Variants in RAI1 observed in about 807,000 individuals in gnomAD.
The protein encoded by RAI1 is retinoic acid-induced protein 1.
A neutral mutation model predicts 123.8 loss-of-function variants in RAI1; 9 were observed. The observed-to-expected ratio is 0.07, with a 90% CI of 0.04 to 0.13. The LOEUF (loss-of-function observed/expected upper bound fraction) is 0.13. Among genes scored for constraint, RAI1 ranks in the 10% least tolerant of loss-of-function variants. RAI1 has a pLI of 1.00. For synonymous variants in RAI1, 1,231 were observed against 1,127.3 expected (o/e 1.09, Z -1.84); for missense variants, 2,256 against 2,545.8 (o/e 0.89, Z 2.45).
At chr17:17,746,626 TTTC>T (rs1369906949) in intron 2 of RAI1, among the ~76,000 whole-genome samples, 2 of 135,154 alleles carry the variant, frequency 1.5e-5, no homozygotes, top group African/African-American at 2.5e-5. Flanking sequence ...TTTTTTTTCT[TTTC>T]TTTTCTTTTT....
At chr17:17,682,348 C>T (rs1914458521) in intron 1 of RAI1, 1 of 150,938 alleles carries the variant, frequency 6.6e-6, no homozygotes, top group Non-Finnish European at 1.5e-5. Context: ...CCTACCCGGG[C>T]AGCGGCCCCG....
In RAI1 at chr17:17,728,288, G is replaced by A. The variant is rs891027015; in HGVS notation, c.-17+4129G>A. Among the ~76,000 whole-genome samples, 6 of 152,126 alleles carry A rather than the reference G, an allele frequency of 3.9e-5. No homozygotes were observed. In the East Asian group the frequency reaches 9.7e-4, roughly 25 times the overall value. ...GGCTGGGTGGGCGAAGAGAGGGAAG[G>A]CCTTCGACAGGGAGGGGTGGGGTTG... On this transcript the variant is annotated intron_variant, in intron 2 of 5. Transcript: ENST00000353383.
chr17:17,720,258 A>G (rs1231917323), intron 1 of RAI1, among the ~76,000 whole-genome samples: 1 of 152,222 alleles, frequency 6.6e-6, no homozygotes, highest in Non-Finnish European at 1.5e-5. Flanking sequence ...TGGCAAACAA[A>G]AGGGCTGACA....
At chr17:17,776,768 A>G (rs955884715) in intron 2 of RAI1, 2 of 146,738 alleles carry the variant, frequency 1.4e-5, no homozygotes, top group African/African-American at 5.1e-5. Flanking sequence ...GGCTCAAGCA[A>G]TCCTCCTACC....
In RAI1 at chr17:17,796,456, A is replaced by G. The variant is rs777600691; in HGVS notation, c.3508A>G (p.Asn1170Asp). Residue 1170 changes from asparagine to aspartate, a missense_variant, in exon 3 of 6, where the codon AAC becomes GAC. This residue lies in a region of RAI1 where 322 missense variants were observed against 358.0 expected (regional missense o/e 0.90). Coordinates refer to ENST00000353383, the MANE Select transcript of RAI1 (RefSeq NM_030665.4). This position sits in a 1 kb window ranked among gnomAD's most constrained non-coding sequence, Gnocchi z 5.8. ...GAGGCCCTCTGAGGGCCGGCTCCCC[A>G]ACTGCCGTGCCACCAAGAAGCTCCT... ...RRRPSEGRLP[N>D]CRATKKLLDN... 2.5e-6 allele frequency: 4 copies of G among 1,612,612 alleles called. No individual in the cohort carries two copies. The East Asian group carries it at 8.9e-5, about 36-fold the overall frequency.
chr17:17,695,218 A>ACC (rs138883212), intron 1 of RAI1, among the ~76,000 whole-genome samples: 2,038 of 152,094 alleles, frequency 0.013, 53 homozygotes, highest in African/African-American at 0.047. Flanking sequence ...GTGAGGACCT[A>ACC]CCCTTTGCCC....
intron 1 of RAI1, among the ~76,000 whole-genome samples, chr17:17,706,839 T>G (rs1915410946): frequency 6.6e-6 from 1 of 152,216 alleles, no homozygotes; most frequent in African/African-American, 2.4e-5. Context: ...GGAAAAGTTT[T>G]TAAAGATTCC....
intron 2 of RAI1, among the ~76,000 whole-genome samples, chr17:17,746,939 G>T (rs1194875217): frequency 2.0e-5 from 3 of 152,126 alleles, no homozygotes; most frequent in Non-Finnish European, 4.4e-5. Flanking sequence ...CCAGCCCCAT[G>T]TGTTTTCTGA....
intron 1 of RAI1, among the ~76,000 whole-genome samples, chr17:17,715,641 G>GC (rs1915687464): frequency 6.6e-6 from 1 of 152,190 alleles, no homozygotes; most frequent in Non-Finnish European, 1.5e-5. Flanking sequence ...AGATAGCACA[G>GC]CAGCAAGTGT....
rs568118143 is a variant in RAI1 at position 17,714,104 on chromosome 17, C to G, written c.-148-9924C>G. The stretch of plus-strand genomic sequence containing the variant: ...CGCAGGTTGCTCACCACCTCCCGAG[C>G]AGCTCCCTCCTTCCATTTCTGGGCA... On this transcript the variant is annotated intron_variant, in intron 1 of 5. Transcript: ENST00000353383. The surrounding 1 kb of genome is among the most constrained non-coding windows in gnomAD (Gnocchi z 4.9). 6.0e-4 allele frequency among the ~76,000 whole-genome samples: 92 copies of G among 152,278 alleles called. 1 individual carries two copies. The highest frequency in any genetic ancestry group is 2.2e-3 in the African/African-American group (90 of 41,550).
Position 17,794,368 on chromosome 17 carries a change from G to A in RAI1, c.1420G>A (p.Glu474Lys). Residue 474 changes from glutamate (E) to lysine (K), a missense_variant, in exon 3 of 6, where the codon GAG becomes AAG. Coordinates refer to ENST00000353383, the MANE Select transcript of RAI1 (RefSeq NM_030665.4). ...GVKNLVSRTPEQHKSQHCSPE... is the reference protein window; with the variant it reads ...GVKNLVSRTPKQHKSQHCSPE... The stretch of plus-strand genomic sequence containing the variant: ...CAAGAACCTCGTGTCCAGGACCCCA[G>A]AGCAGCATAAAAGCCAGCACTGCAG... 6.2e-7 allele frequency: 1 copy of A among 1,613,238 alleles called. No homozygotes were observed. Among genetic ancestry groups the A allele is most frequent in the African/African-American group, 1.3e-5 (1 of 75,078 alleles).
chr17:17,698,191 A>G (rs1915098458), intron 1 of RAI1, among the ~76,000 whole-genome samples: 1 of 152,130 alleles, frequency 6.6e-6, no homozygotes, highest in South Asian at 2.1e-4. Flanking sequence ...CCTGGACCTC[A>G]GTTTCCTCTT....
intron 1 of RAI1, among the ~76,000 whole-genome samples, chr17:17,717,061 G>A (rs181742378): frequency 6.6e-6 from 1 of 152,324 alleles, no homozygotes; most frequent in African/African-American, 2.4e-5. Context: ...TCCATTTGTG[G>A]AAGAGGCTGG....
intron 3 of RAI1, among the ~76,000 whole-genome samples, chr17:17,802,464 G>A (rs2032493061): frequency 6.6e-6 from 1 of 152,216 alleles, no homozygotes. Context: ...TAATGAAAGG[G>A]ACCCACAGAG....
chr17:17,727,856 G>C (rs957663270), intron 2 of RAI1, among the ~76,000 whole-genome samples: 3 of 152,126 alleles, frequency 2.0e-5, no homozygotes, highest in African/African-American at 7.2e-5. Context: ...GACCCCCCGG[G>C]GAGAAGGGAA....
chr17:17,794,076 G>A lies in RAI1; in HGVS notation c.1128G>A (p.Pro376=), dbSNP rs375391330. The A allele has an allele frequency of 1.4e-5, 23 of 1,613,868 alleles. No individual in the cohort carries two copies. Among genetic ancestry groups the A allele is most frequent in the East Asian group, 2.2e-5 (1 of 44,886 alleles). ...NLENFPYSQQ[P]LSTGAFPAGI... The stretch of plus-strand genomic sequence containing the variant: ...AGAACTTTCCCTACAGCCAGCAGCC[G>A]CTCAGCACCGGGGCCTTCCCCGCAG... The change falls in exon 3 of 6, where the codon CCG becomes CCA. Residue 376 remains proline (P), a synonymous_variant. Transcript: ENST00000353383.
At position 17,796,848 on chromosome 17, in the gene RAI1, C is replaced by T; in HGVS notation, c.3900C>T (p.Ala1300=). The T allele has an allele frequency of 6.2e-7, 1 of 1,612,506 alleles. No individual in the cohort carries two copies. Among genetic ancestry groups the T allele is most frequent in the Non-Finnish European group, 8.5e-7 (1 of 1,179,464 alleles). Residue 1300 remains alanine (A), a synonymous_variant, in exon 3 of 6, where the codon GCC becomes GCT. Coordinates refer to ENST00000353383, the MANE Select transcript of RAI1 (RefSeq NM_030665.4). This position sits in a 1 kb window ranked among gnomAD's most constrained non-coding sequence, Gnocchi z 5.8. ...TKLPPPETPD[A]CLKLASRAAF... is the part of the protein sequence containing the mutation. ...TCCCACCCCCGGAGACCCCCGATGCCTGCCTCAAGCTCGCCTCTCGGGCAG... is the reference window on the plus strand; with the variant it reads ...TCCCACCCCCGGAGACCCCCGATGCTTGCCTCAAGCTCGCCTCTCGGGCAG...
At chr17:17,786,452 G>A (rs1261534568) in intron 2 of RAI1, among the ~76,000 whole-genome samples, 1 of 152,190 alleles carries the variant, frequency 6.6e-6, no homozygotes, top group Non-Finnish European at 1.5e-5. Context: ...CAATAATAAA[G>A]CAAGTCAAGT....
intron 2 of RAI1, among the ~76,000 whole-genome samples, chr17:17,726,294 C>T (rs541792362): frequency 1.3e-5 from 2 of 152,208 alleles, no homozygotes; most frequent in African/African-American, 4.8e-5. Flanking sequence ...GCTCCCCACC[C>T]TTCCCACACA....
Sources: gnomAD v4.1 joint callset for allele counts (sites outside exome capture counted in the v4.1 genomes callset) on GRCh38, gnomAD v4.1.1 for gene constraint, gnomAD v4.1.1 regional missense constraint, Gnocchi (gnomAD v3.1) non-coding constraint, MANE v1.5 for transcripts, NCBI Gene and HGNC (gene_info 2026-07-23, HGNC 2026-07-21) for gene names.